Variants in ERBB4 observed in about 807,000 individuals in gnomAD.
ERBB4 encodes erb-b2 receptor tyrosine kinase 4, also known as receptor tyrosine-protein kinase erbB-4.
In ERBB4, 42 loss-of-function variants were observed where a neutral mutation model predicts 158.0. The observed-to-expected ratio is 0.27, with a 90% CI of 0.21 to 0.34. ERBB4 has a LOEUF of 0.34. ERBB4 is among the 10% of genes least tolerant of loss of function. The pLI is 1.00. For missense variants in ERBB4, 1,333 were observed against 1,624.1 expected, an observed-to-expected ratio of 0.82 and a Z score of 3.08; for synonymous variants, 583 against 558.7, an observed-to-expected ratio of 1.04 and a Z score of -0.61.
At position 211,694,928 on chromosome 2, in the gene ERBB4, C is replaced by A. The variant is rs1454657797; in HGVS notation, c.1489+7039G>T. On this transcript the variant is annotated intron_variant, in intron 12 of 27. Transcript: ENST00000342788. ...AAATCTGCCACCTTAGTAATATTTT[C>A]TTAAAATAAGGTAAATCTTAATTTA... is the stretch of plus-strand genomic sequence containing the variant. 2.6e-5 allele frequency among the ~76,000 whole-genome samples: 4 copies of A among 152,074 alleles called. No individual in the cohort carries two copies. The South Asian group carries it at 8.3e-4, about 31-fold the overall frequency.
intron 2 of ERBB4, among the ~76,000 whole-genome samples, chr2:211,952,008 G>C (rs932785197): frequency 1.3e-5 from 2 of 151,530 alleles, no homozygotes; most frequent in African/African-American, 2.4e-5. Context: ...GTAAATAATA[G>C]AAAAAAAATC....
At chr2:211,969,799 G>T (rs1222422207) in intron 2 of ERBB4, among the ~76,000 whole-genome samples, 1 of 151,392 alleles carries the variant, frequency 6.6e-6, no homozygotes, top group African/African-American at 2.4e-5. Flanking sequence ...CTCTTTATTA[G>T]TCTAGCTAGT....
intron 3 of ERBB4, among the ~76,000 whole-genome samples, chr2:211,849,122 T>A (rs554526161): frequency 1.3e-5 from 2 of 152,042 alleles, no homozygotes; most frequent in Non-Finnish European, 1.5e-5. Flanking sequence ...CAGTGTTTTT[T>A]TCCTATGCAG....
At chr2:212,278,323 T>C (rs1341846943) in intron 1 of ERBB4, among the ~76,000 whole-genome samples, 1 of 151,768 alleles carries the variant, frequency 6.6e-6, no homozygotes, top group Non-Finnish European at 1.5e-5. Context: ...TTATTTTTTG[T>C]GTAACAGACA....
chr2:212,402,388 A>T (rs1286132220), intron 1 of ERBB4, among the ~76,000 whole-genome samples: 1 of 152,120 alleles, frequency 6.6e-6, no homozygotes, highest in East Asian at 1.9e-4. Flanking sequence ...GGATGTGGTT[A>T]TAAAAGGTGA....
chr2:212,334,160 T>G lies in ERBB4; in HGVS notation c.82+204289A>C, dbSNP rs193214217. Among the ~76,000 whole-genome samples, 10 of 152,168 alleles carry G rather than the reference T, an allele frequency of 6.6e-5. No homozygotes were observed. The East Asian group carries it at 1.9e-3, about 30-fold the overall frequency. ...TAAGTGAATTGATGATAATGTTAGC[T>G]AGAGTCAAATTCTATTAATTATTTA... On this transcript the variant is annotated intron_variant, in intron 1 of 27. Transcript: ENST00000342788.
intron 2 of ERBB4, among the ~76,000 whole-genome samples, chr2:212,070,915 G>A (rs935150926): frequency 2.6e-5 from 4 of 151,030 alleles, no homozygotes; most frequent in African/African-American, 2.4e-5. Flanking sequence ...TTTCTCTAAC[G>A]GGAACACATT....
intron 1 of ERBB4, among the ~76,000 whole-genome samples, chr2:212,270,965 C>A (rs60837516): frequency 0.086 from 13,020 of 151,708 alleles, 590 homozygotes; most frequent in Non-Finnish European, 0.097. Context: ...AATATCTGTC[C>A]CAGAGAATGA....
chr2:212,461,270 G>A (rs1194238977), intron 1 of ERBB4, among the ~76,000 whole-genome samples: 1 of 152,214 alleles, frequency 6.6e-6, no homozygotes, highest in African/African-American at 2.4e-5. Flanking sequence ...CTCAAAGCCA[G>A]CCTGTGAAAG....
intron 1 of ERBB4, among the ~76,000 whole-genome samples, chr2:212,422,958 A>C (rs895216081): frequency 6.6e-6 from 1 of 152,188 alleles, no homozygotes; most frequent in Non-Finnish European, 1.5e-5. Flanking sequence ...TATTATGTGA[A>C]ATACCACAGA....
intron 1 of ERBB4, among the ~76,000 whole-genome samples, chr2:212,384,890 AATATATATATAT>A (rs67216333): frequency 2.4e-5 from 3 of 123,188 alleles, no homozygotes; most frequent in African/African-American, 9.6e-5. Flanking sequence ...ATGTTTGTGG[AATATATATATAT>A]ATATATATAT....
intron 20 of ERBB4, among the ~76,000 whole-genome samples, chr2:211,543,572 C>T (rs1455912131): frequency 6.6e-6 from 1 of 151,828 alleles, no homozygotes; most frequent in African/African-American, 2.4e-5. Flanking sequence ...CCCCAAAGTA[C>T]TTGACTTTTG....
rs957030466 is a variant in ERBB4 at position 212,506,191 on chromosome 2, C to T, written c.82+32258G>A. ...TGAGGAGCCACAAATCATACCCAAA[C>T]TTAATTAATAAATAGGTGTGTGTTC... On this transcript the variant is annotated intron_variant, in intron 1 of 27. Transcript: ENST00000342788. Among the ~76,000 whole-genome samples, 14 of 148,750 alleles carry T rather than the reference C, an allele frequency of 9.4e-5. 4 individuals carry two copies. The highest frequency in any genetic ancestry group is 1.4e-4 in the Non-Finnish European group (9 of 66,018).
chr2:212,055,534 G>C (rs955541008), intron 2 of ERBB4, among the ~76,000 whole-genome samples: 2 of 152,238 alleles, frequency 1.3e-5, no homozygotes, highest in Non-Finnish European at 2.9e-5. Context: ...CCTCCAGTAG[G>C]GGCAGACTGA....
chr2:212,383,507 A>C (rs554797240), intron 1 of ERBB4, among the ~76,000 whole-genome samples: 36 of 151,736 alleles, frequency 2.4e-4, no homozygotes, highest in Non-Finnish European at 4.7e-4. Flanking sequence ...AAATCTTTTA[A>C]ACAATTATTT....
chr2:212,194,901 A>G (rs1459093543), intron 1 of ERBB4, among the ~76,000 whole-genome samples: 1 of 151,950 alleles, frequency 6.6e-6, no homozygotes, highest in African/African-American at 2.4e-5. Context: ...TAAATTCTTA[A>G]TGTTGATAAA....
chr2:212,490,644 A>T (rs1323079307), intron 1 of ERBB4, among the ~76,000 whole-genome samples: 1 of 151,856 alleles, frequency 6.6e-6, no homozygotes, highest in Non-Finnish European at 1.5e-5. Flanking sequence ...ATTTTCTATA[A>T]GTAAATTTGA....
At chr2:211,680,609 A>G (rs1401773628) in intron 12 of ERBB4, among the ~76,000 whole-genome samples, 2 of 152,194 alleles carry the variant, frequency 1.3e-5, no homozygotes, top group African/African-American at 4.8e-5. Context: ...TCTCTAACAT[A>G]TGCTTGACAG....
chr2:212,217,227 C>T (rs1396846782), intron 1 of ERBB4, among the ~76,000 whole-genome samples: 1 of 151,290 alleles, frequency 6.6e-6, no homozygotes, highest in Non-Finnish European at 1.5e-5. Flanking sequence ...CCCTATATCA[C>T]AATTTATCTA....
Sources: gnomAD v4.1 joint callset for allele counts (sites outside exome capture counted in the v4.1 genomes callset) on GRCh38, gnomAD v4.1.1 for gene constraint, MANE v1.5 for transcripts, NCBI Gene and HGNC (gene_info 2026-07-23, HGNC 2026-07-21) for gene names.